Variants in EPS8L3 observed in about 807,000 individuals in gnomAD.
The protein encoded by EPS8L3 is EPS8 signaling adaptor L3.
A neutral mutation model predicts 88.5 loss-of-function variants in EPS8L3; 80 were observed. The observed-to-expected ratio is 0.90, with a 90% CI of 0.75 to 1.09. The LOEUF is 1.09. Ranked by LOEUF, EPS8L3 falls within the 50% of genes least tolerant of loss-of-function variation. The pLI, the probability that EPS8L3 is intolerant of heterozygous loss-of-function variation, is 0.00. For synonymous variants in EPS8L3, 286 were observed against 291.0 expected (o/e 0.98, Z 0.18); for missense variants, 721 against 735.2 (o/e 0.98, Z 0.22).
intron 14 of EPS8L3, 108 bp from the exon 15 acceptor site, chr1:109,752,301 C>G (rs1649874280): frequency 8.6e-7 from 1 of 1,159,504 alleles, no homozygotes; most frequent in African/African-American, 1.5e-5. Flanking sequence ...CTGATGGTGA[C>G]TTTTGGGTTT....
chr1:109,750,542 C>A, intron 18 of EPS8L3, 118 bp downstream of exon 18: 1 of 1,582,318 alleles, frequency 6.3e-7, no homozygotes, highest in East Asian at 2.2e-5. Flanking sequence ...GTGCCCAGCA[C>A]CCGCCACACT....
chr1:109,752,687 G>C lies in EPS8L3; in HGVS notation c.1234C>G (p.Arg412Gly), dbSNP rs765310409. ...PLGYQDPVSL[R>G]RGSHRLGSTS... ...GTCCCTATTAAGCTCAGAGCATACC[G>C]AAGGGAAACAGGGTCCTGGTATCCT... The change falls in exon 14 of 19, where the codon CGG becomes GGG. Residue 412 changes from arginine to glycine, a missense_variant and splice_region_variant. Arg to Gly is a moderately radical substitution (Grantham distance 125). Transcript: ENST00000361965. The C allele has an allele frequency of 1.9e-6, 3 of 1,551,600 alleles. No homozygotes were observed. Among genetic ancestry groups the C allele is most frequent in the Non-Finnish European group, 2.6e-6 (3 of 1,146,884 alleles).
rs190298982 is a variant in EPS8L3, at chr1:109,751,267, C to A, written c.1637+11G>T. Reference sequence around the variant, plus strand: ...TTTCTCCCTCCATATCCTGTAGGGCCAGGCACTCACGCAGTGGAGAAGTTC... The same window carrying A: ...TTTCTCCCTCCATATCCTGTAGGGCAAGGCACTCACGCAGTGGAGAAGTTC... On this transcript the variant is annotated intron_variant, in intron 17 of 18. Coordinates refer to ENST00000361965, the MANE Select transcript of EPS8L3 (RefSeq NM_133181.4). 1.9e-4 allele frequency: 306 copies of A among 1,613,238 alleles called. 1 individual carries two copies. The African/African-American group carries it at 2.3e-3, about 12-fold the overall frequency.
chr1:109,751,034 C>A (rs988712323), intron 17 of EPS8L3, among the ~76,000 whole-genome samples: 1 of 152,196 alleles, frequency 6.6e-6, no homozygotes, highest in East Asian at 1.9e-4. Flanking sequence ...GCTAAGCTGG[C>A]AGCTGGGGTT....
chr1:109,753,498 G>T (rs1650000840), intron 12 of EPS8L3, among the ~76,000 whole-genome samples: 1 of 152,198 alleles, frequency 6.6e-6, no homozygotes, highest in Non-Finnish European at 1.5e-5. Context: ...TTGGGCATTT[G>T]GATTAAAGTA....
rs368742528 is a variant in EPS8L3 at position 109,759,844 on chromosome 1, G to T, written c.97-8C>A. On this transcript the variant is annotated splice_polypyrimidine_tract_variant and splice_region_variant and intron_variant, in intron 3 of 18. Transcript: ENST00000361965. This position sits in a 1 kb window ranked among gnomAD's most constrained non-coding sequence, Gnocchi z 4.2. ...CTTGCATGTCATCAAGTGCTGCAGGGAGAGGGGGAGTCCTAGGACTGGGAG... is the reference window on the plus strand; with the variant it reads ...CTTGCATGTCATCAAGTGCTGCAGGTAGAGGGGGAGTCCTAGGACTGGGAG... The T allele has an allele frequency of 1.9e-6, 3 of 1,613,190 alleles. No homozygotes were observed. Among genetic ancestry groups the T allele is most frequent in the Non-Finnish European group, 2.5e-6 (3 of 1,179,692 alleles).
chr1:109,754,631 G>A (rs888325494), intron 12 of EPS8L3, among the ~76,000 whole-genome samples: 1 of 152,130 alleles, frequency 6.6e-6, no homozygotes, highest in African/African-American at 2.4e-5. Context: ...TTTTTCTAAG[G>A]ACTCAAATTG....
Position 109,753,163 on chromosome 1 carries a change from T to TG in EPS8L3, c.1153dup (p.Gln385ProfsTer7). 6.2e-7 allele frequency: 1 copy of TG among 1,613,158 alleles called. No individual in the cohort carries two copies. On this transcript the variant is annotated frameshift_variant, in exon 13 of 19. Coordinates refer to ENST00000361965, the MANE Select transcript of EPS8L3 (RefSeq NM_133181.4). LOFTEE classifies it high-confidence loss of function. ...TTGCCAGTCATCTGAGAATGTGGGT[T>TG]GGTAGGGCAGGGGCTCATCGCCTGT...
Position 109,757,010 on chromosome 1 carries a change from C to T in EPS8L3, c.1118+7G>A, listed in dbSNP as rs764120952. ...CCCGATTCAGTTCAGGCTTTGTCTT[C>T]ACTCACCGGCTAGTGGTCCAGGCTG... On this transcript the variant is annotated splice_region_variant and intron_variant, in intron 12 of 18. Coordinates refer to ENST00000361965, the MANE Select transcript of EPS8L3 (RefSeq NM_133181.4). 6.2e-7 allele frequency: 1 copy of T among 1,614,206 alleles called. No individual in the cohort carries two copies. The highest frequency in any genetic ancestry group is 8.5e-7 in the Non-Finnish European group (1 of 1,180,036).
chr1:109,761,869 G>C, intron 1 of EPS8L3, 96 bp from the exon 2 acceptor site: 1 of 1,128,682 alleles, frequency 8.9e-7, no homozygotes, highest in Non-Finnish European at 1.3e-6. Context: ...CTGACTGGGG[G>C]CCTCTGGGAC....
Position 109,762,839 on chromosome 1 carries a change from T to C in EPS8L3, c.-25+983A>G, listed in dbSNP as rs1348696765. On this transcript the variant is annotated intron_variant, in intron 1 of 18. Coordinates refer to ENST00000361965, the MANE Select transcript of EPS8L3 (RefSeq NM_133181.4). ...TCCGATTGCAAGCTTCGTGTTTTAA[T>C]GGTTTATAAACATGCCTCTGCCGCT... 5.3e-5 allele frequency among the ~76,000 whole-genome samples: 8 copies of C among 152,334 alleles called. 1 individual carries two copies. In the East Asian group the frequency reaches 1.3e-3, roughly 26 times the overall value.
At chr1:109,760,073 G>C (rs1489993932) in intron 3 of EPS8L3, among the ~76,000 whole-genome samples, 1 of 152,128 alleles carries the variant, frequency 6.6e-6, no homozygotes, top group Non-Finnish European at 1.5e-5. Context: ...GGAGGGGTTT[G>C]AGGACTCTGG....
chr1:109,754,214 T>C (rs1570683150), intron 12 of EPS8L3, among the ~76,000 whole-genome samples: 1 of 152,246 alleles, frequency 6.6e-6, no homozygotes, highest in Non-Finnish European at 1.5e-5. Flanking sequence ...GTTTCTTTCA[T>C]TATTTCTGCA....
intron 17 of EPS8L3, 48 bp downstream of exon 17, chr1:109,751,230 C>T: frequency 6.4e-7 from 1 of 1,553,300 alleles, no homozygotes. Context: ...CCTTGGTTAG[C>T]CCTTTACAAA....
chr1:109,761,838 G>C, intron 1 of EPS8L3, 65 bp from the exon 2 acceptor site: 1 of 1,447,440 alleles, frequency 6.9e-7, no homozygotes, highest in Non-Finnish European at 9.7e-7. Flanking sequence ...GGCACAGCAG[G>C]GCAGGACAGT....
Position 109,759,913 on chromosome 1 carries a change from G to A in EPS8L3, c.97-77C>T. On this transcript the variant is annotated intron_variant, in intron 3 of 18. Transcript: ENST00000361965. The surrounding 1 kb of genome is among the most constrained non-coding windows in gnomAD (Gnocchi z 4.2). ...CCACAGGCGTGCTGGGTAGAGAAAAGCAGAAGAGGAAGAAGACGTGTCCTC... is the reference window on the plus strand; with the variant it reads ...CCACAGGCGTGCTGGGTAGAGAAAAACAGAAGAGGAAGAAGACGTGTCCTC... The A allele has an allele frequency of 6.7e-7, 1 of 1,499,416 alleles. No homozygotes were observed. The highest frequency in any genetic ancestry group is 9.1e-7 in the Non-Finnish European group (1 of 1,103,926). The allele number at this position is 1,499,416 out of a possible 1,614,324, so 92.9% of individuals were successfully genotyped here. A position where few individuals can be genotyped will look rare whatever the true frequency, so the allele number is the denominator to read the frequency against.
chr1:109,759,175 G>GTGTT lies in EPS8L3; in HGVS notation c.406-59_406-58insAACA. On this transcript the variant is annotated intron_variant, in intron 5 of 18. Coordinates refer to ENST00000361965, the MANE Select transcript of EPS8L3 (RefSeq NM_133181.4). The surrounding 1 kb of genome is among the most constrained non-coding windows in gnomAD (Gnocchi z 4.2). Reference sequence around the variant, plus strand: ...TGTGTGTGTGTGTGTGTGTGTGTGTGTGTGTGTGGTGGGGTGATGGTCGAT... The same window carrying GTGTT: ...TGTGTGTGTGTGTGTGTGTGTGTGTGTGTTTGTGTGTGGTGGGGTGATGGTCGAT... 1 of 1,580,768 alleles carries GTGTT rather than the reference G, an allele frequency of 6.3e-7. No individual in the cohort carries two copies. Among genetic ancestry groups the GTGTT allele is most frequent in the African/African-American group, 1.4e-5 (1 of 72,586 alleles).
In EPS8L3 at chr1:109,761,739, G is replaced by A; in HGVS notation, c.11C>T (p.Pro4Leu). The change falls in exon 2 of 19, where the codon CCC becomes CTC. Residue 4 changes from proline to leucine, a missense_variant. Coordinates refer to ENST00000361965, the MANE Select transcript of EPS8L3 (RefSeq NM_133181.4). Reference sequence around the variant, plus strand: ...CTTACAGTAAATGGCTCTGCTGCTGGGCCTTGACATGTTGACGCTGCTGAG... The same window carrying A: ...CTTACAGTAAATGGCTCTGCTGCTGAGCCTTGACATGTTGACGCTGCTGAG... MSR[P>L]SSRAIYLHRK... The A allele has an allele frequency of 6.2e-7, 1 of 1,613,994 alleles. No individual in the cohort carries two copies. Among genetic ancestry groups the A allele is most frequent in the Non-Finnish European group, 8.5e-7 (1 of 1,179,998 alleles).
Position 109,759,951 on chromosome 1 carries a change from G to A in EPS8L3, c.97-115C>T, listed in dbSNP as rs1376345757. 10 of 1,160,868 alleles carry A rather than the reference G, an allele frequency of 8.6e-6. No homozygotes were observed. In the East Asian group the frequency reaches 2.5e-4, roughly 29 times the overall value. The allele number at this position is 1,160,868 out of a possible 1,614,324, so 71.9% of individuals were successfully genotyped here. On this transcript the variant is annotated intron_variant, in intron 3 of 18. Coordinates refer to ENST00000361965, the MANE Select transcript of EPS8L3 (RefSeq NM_133181.4). This position sits in a 1 kb window ranked among gnomAD's most constrained non-coding sequence, Gnocchi z 4.2. ...AAGACGTGTCCTCGGCCCCCTTGAG[G>A]TAGGAGGTTCCAGGCTTCAGATAAA...
Sources: allele counts gnomAD v4.1 joint callset (sites outside exome capture counted in the v4.1 genomes callset), GRCh38; gene constraint gnomAD v4.1.1; non-coding constraint Gnocchi (gnomAD v3.1); transcripts MANE v1.5; gene names NCBI Gene and HGNC (gene_info 2026-07-23, HGNC 2026-07-21).